AGMO: variants seen among roughly 807,000 people sequenced by gnomAD.
AGMO encodes the protein alkylglycerol monooxygenase, also known as glyceryl-ether monooxygenase.
AGMO carries 75 observed loss-of-function variants against 60.2 expected under a neutral mutation model. That is an observed-to-expected ratio of 1.25 (90% CI 1.03 to 1.51). AGMO has a LOEUF of 1.51. AGMO is among the 40% of genes most tolerant of loss of function. The pLI, the probability that AGMO is intolerant of heterozygous loss-of-function variation, is 0.00. For missense variants in AGMO, 763 were observed against 525.5 expected (o/e 1.45, Z -4.42); for synonymous variants, 261 against 177.1 (o/e 1.47, Z -3.76).
At chr7:15,290,055 G>A in intron 12 of AGMO, among the ~76,000 whole-genome samples, 1 of 135,926 alleles carries the variant, frequency 7.4e-6, no homozygotes, top group Non-Finnish European at 1.5e-5. Flanking sequence ...TTTTGAGACA[G>A]AGTTTCACCC....
intron 5 of AGMO, among the ~76,000 whole-genome samples, chr7:15,395,133 G>A (rs994681431): frequency 6.6e-6 from 1 of 152,140 alleles, no homozygotes; most frequent in African/African-American, 2.4e-5. Flanking sequence ...AAACTGATTT[G>A]TTAGAGCCTA....
intron 3 of AGMO, among the ~76,000 whole-genome samples, chr7:15,542,462 T>A (rs1204948375): frequency 6.6e-6 from 1 of 152,232 alleles, no homozygotes; most frequent in African/African-American, 2.4e-5. Context: ...TTTTTAATAG[T>A]TTTATATTGG....
intron 12 of AGMO, among the ~76,000 whole-genome samples, chr7:15,208,099 A>G (rs530474318): frequency 1.3e-5 from 2 of 152,364 alleles, no homozygotes; most frequent in East Asian, 3.9e-4. Flanking sequence ...GAATATATTC[A>G]TGGGGTGTCC....
At chr7:15,143,688 C>CT in the AGMO span, among the ~76,000 whole-genome samples, 610 of 127,878 alleles carry the variant, frequency 4.8e-3, 7 homozygotes, top group South Asian at 0.024. Context: ...TTTGTTTTGT[C>CT]TTTTTTTTTT....
intron 3 of AGMO, among the ~76,000 whole-genome samples, chr7:15,502,136 G>A (rs1783402333): frequency 6.6e-6 from 1 of 151,990 alleles, no homozygotes; most frequent in South Asian, 2.1e-4. Flanking sequence ...GGATATTAAA[G>A]AAATTATCTC....
chr7:15,485,299 A>C (rs966696739), intron 3 of AGMO, among the ~76,000 whole-genome samples: 2 of 152,188 alleles, frequency 1.3e-5, no homozygotes, highest in African/African-American at 4.8e-5. Flanking sequence ...GCTGTGAGAC[A>C]GGGCAAGATT....
intron 6 of AGMO, among the ~76,000 whole-genome samples, chr7:15,391,140 T>A (rs2128485348): frequency 6.6e-6 from 1 of 152,208 alleles, no homozygotes; most frequent in South Asian, 2.1e-4. Context: ...GATGCATGCT[T>A]TCTTGTCACA....
At chr7:15,220,392 T>A (rs532612098) in intron 12 of AGMO, among the ~76,000 whole-genome samples, 3 of 151,344 alleles carry the variant, frequency 2.0e-5, no homozygotes, top group Non-Finnish European at 4.4e-5. Flanking sequence ...GGCTAATTTT[T>A]TTTTTTAGTA....
chr7:15,520,554 C>T (rs1783952231), intron 3 of AGMO, among the ~76,000 whole-genome samples: 1 of 152,186 alleles, frequency 6.6e-6, no homozygotes. Context: ...TCACTCAAAA[C>T]TGCACAACTA....
chr7:15,520,326 C>A (rs1383983329), intron 3 of AGMO, among the ~76,000 whole-genome samples: 2 of 152,304 alleles, frequency 1.3e-5, no homozygotes, highest in South Asian at 4.1e-4. Context: ...AGGTTGTGAA[C>A]TCAGCTCTGC....
intron 2 of AGMO, 112 bp from the exon 3 acceptor site, chr7:15,545,035 T>C (rs1784738882): frequency 1.3e-6 from 1 of 749,250 alleles, no homozygotes; most frequent in African/African-American, 1.8e-5. Flanking sequence ...AAAATGAAAC[T>C]CTTTCTTCTA....
chr7:15,190,247 A>G, the AGMO span, among the ~76,000 whole-genome samples: 2 of 143,320 alleles, frequency 1.4e-5, no homozygotes, highest in Non-Finnish European at 3.1e-5. Context: ...ATATATATAT[A>G]TATGCAGCAA....
chr7:15,254,741 C>A (rs560089255), intron 12 of AGMO, among the ~76,000 whole-genome samples: 1 of 150,708 alleles, frequency 6.6e-6, no homozygotes, highest in East Asian at 2.0e-4. Context: ...CTTTAACCAG[C>A]CTGAAAAAAA....
At chr7:15,345,423 G>C (rs1781999643) in intron 12 of AGMO, among the ~76,000 whole-genome samples, 1 of 152,136 alleles carries the variant, frequency 6.6e-6, no homozygotes, top group Admixed American at 6.6e-5. Flanking sequence ...TCACACTCAA[G>C]ATACAAATCA....
intron 12 of AGMO, among the ~76,000 whole-genome samples, chr7:15,305,108 TA>T (rs1780572983): frequency 6.6e-6 from 1 of 151,958 alleles, no homozygotes; most frequent in African/African-American, 2.4e-5. Flanking sequence ...TAACTTGTGG[TA>T]GCACCTATCT....
At chr7:15,316,413 G>C (rs1780927203) in intron 12 of AGMO, among the ~76,000 whole-genome samples, 1 of 152,152 alleles carries the variant, frequency 6.6e-6, no homozygotes, top group Non-Finnish European at 1.5e-5. Context: ...GGGCCCACTT[G>C]AGGGCCACTG....
the AGMO span, among the ~76,000 whole-genome samples, chr7:15,159,115 T>C: frequency 6.6e-6 from 1 of 152,160 alleles, no homozygotes; most frequent in Non-Finnish European, 1.5e-5. Context: ...TTGTATTTTA[T>C]TCCAAATAAC....
chr7:15,198,625 G>C (rs373703647), downstream of AGMO, among the ~76,000 whole-genome samples: 1 of 152,112 alleles, frequency 6.6e-6, no homozygotes, highest in Non-Finnish European at 1.5e-5. Context: ...CTGAAAATTC[G>C]GAGACTGGGT....
Position 15,387,386 on chromosome 7 carries a change from A to G in AGMO, c.957+20T>C, listed in dbSNP as rs1347662676. On this transcript the variant is annotated intron_variant, in intron 9 of 12. Coordinates refer to ENST00000342526, the MANE Select transcript of AGMO (RefSeq NM_001004320.2). Reference sequence around the variant, plus strand: ...TATGAGACAATCTTCACCATCTCCAATTCTGTGAACTCTATTTACCTCTGG... The same window carrying G: ...TATGAGACAATCTTCACCATCTCCAGTTCTGTGAACTCTATTTACCTCTGG... 3.7e-6 allele frequency: 6 copies of G among 1,609,390 alleles called. No individual in the cohort carries two copies. Among genetic ancestry groups the G allele is most frequent in the Non-Finnish European group, 4.2e-6 (5 of 1,178,034 alleles).
Sources: allele counts gnomAD v4.1 joint callset (sites outside exome capture counted in the v4.1 genomes callset), GRCh38; gene constraint gnomAD v4.1.1; transcripts MANE v1.5; gene names NCBI Gene and HGNC (gene_info 2026-07-23, HGNC 2026-07-21).